The following RGS7 variants were observed in gnomAD, a reference collection of about 807,000 sequenced individuals.
RGS7 encodes the protein regulator of G-protein signaling 7.
Under a neutral mutation model 81.1 loss-of-function variants are expected in RGS7, and 27 were observed. That is an observed-to-expected ratio of 0.33 (90% confidence interval 0.25 to 0.46). The LOEUF (loss-of-function observed/expected upper bound fraction) is 0.46. RGS7 is among the 20% of genes least tolerant of loss of function. RGS7 has a pLI of 1.00. For missense variants in RGS7, 396 were observed against 607.4 expected (o/e 0.65, Z 3.66); for synonymous variants, 208 against 207.7 (o/e 1.00, Z -0.01).
intron 2 of RGS7, among the ~76,000 whole-genome samples, chr1:241,247,349 G>A (rs991462927): frequency 1.3e-5 from 2 of 152,126 alleles, no homozygotes; most frequent in Admixed American, 6.5e-5. Context: ...TTTTAAATGA[G>A]CCTGGAGTTG....
intron 3 of RGS7, among the ~76,000 whole-genome samples, chr1:240,989,705 A>T (rs1558564467): frequency 6.6e-6 from 1 of 151,724 alleles, no homozygotes; most frequent in Non-Finnish European, 1.5e-5. Context: ...TTTTTAATTT[A>T]AAAAAATTGC....
At position 240,814,847 on chromosome 1, in the gene RGS7, A is replaced by G. The variant is rs562517536; in HGVS notation, c.784-70T>C. The stretch of plus-strand genomic sequence containing the variant: ...TCACAATTTTCCACTCTAAATCATG[A>G]TCAGCTGGGCAATTCTGAACAAGAG... On this transcript the variant is annotated intron_variant, in intron 11 of 18. Coordinates refer to ENST00000440928, the MANE Select transcript of RGS7 (RefSeq NM_001364886.1). The G allele has an allele frequency of 1.8e-5, 17 of 954,344 alleles. No homozygotes were observed. The African/African-American group carries it at 2.6e-4, about 14-fold the overall frequency. 59.1% of individuals were successfully genotyped at this position (954,344 alleles called of 1,614,324 possible). A position where few individuals can be genotyped will look rare whatever the true frequency, so the allele number is the denominator to read the frequency against.
chr1:240,899,993 C>CT (rs1350756167), intron 6 of RGS7, among the ~76,000 whole-genome samples: 1 of 152,128 alleles, frequency 6.6e-6, no homozygotes, highest in Non-Finnish European at 1.5e-5. Context: ...TCTTTATACT[C>CT]TTTTTTCTCT....
Position 240,806,155 on chromosome 1 carries a change from T to C in RGS7, c.1254A>G (p.Thr418=). The part of the protein sequence containing the change: ...TQNVKEPGRY[T]FEDAQEHIYK... Reference sequence around the variant, plus strand: ...GTACACCCACCTGAGCATCTTCAAATGTGTATCGTCCAGGTTCCTTCACGT... The same window carrying C: ...GTACACCCACCTGAGCATCTTCAAACGTGTATCGTCCAGGTTCCTTCACGT... Residue 418 remains threonine (T), a synonymous_variant, in exon 15 of 19, where the codon ACA becomes ACG. Coordinates refer to ENST00000440928, the MANE Select transcript of RGS7 (RefSeq NM_001364886.1). 6.2e-7 allele frequency: 1 copy of C among 1,613,880 alleles called. No homozygotes were observed.
At chr1:240,980,060 TA>T (rs528365340) in intron 4 of RGS7, among the ~76,000 whole-genome samples, 3 of 151,998 alleles carry the variant, frequency 2.0e-5, no homozygotes, top group Admixed American at 6.6e-5. Flanking sequence ...ATATGTAAAC[TA>T]AAAAAAATCC....
chr1:241,081,365 A>G (rs2063122913), intron 3 of RGS7, among the ~76,000 whole-genome samples: 1 of 152,172 alleles, frequency 6.6e-6, no homozygotes, highest in South Asian at 2.1e-4. Flanking sequence ...AAAACTCAAC[A>G]CCAGCTGGGA....
chr1:240,917,601 C>T (rs1318877443), intron 6 of RGS7, among the ~76,000 whole-genome samples: 1 of 151,906 alleles, frequency 6.6e-6, no homozygotes, highest in African/African-American at 2.4e-5. Flanking sequence ...AACTGTAAGA[C>T]ATTTAAAAGG....
At chr1:241,338,751 T>G (rs1280165087) in intron 2 of RGS7, among the ~76,000 whole-genome samples, 1 of 150,052 alleles carries the variant, frequency 6.7e-6, no homozygotes, top group Non-Finnish European at 1.5e-5. Flanking sequence ...ATATATTAAA[T>G]ATATATATGT....
At chr1:241,006,602 CAA>C (rs1049633354) in intron 3 of RGS7, among the ~76,000 whole-genome samples, 8 of 152,164 alleles carry the variant, frequency 5.3e-5, no homozygotes, top group African/African-American at 1.7e-4. Context: ...TTTGGAAGCT[CAA>C]GAGACTTCTC....
intron 2 of RGS7, among the ~76,000 whole-genome samples, chr1:241,105,975 G>A (rs2065068935): frequency 6.6e-6 from 1 of 152,184 alleles, no homozygotes; most frequent in East Asian, 1.9e-4. Flanking sequence ...CTATGAAAAT[G>A]GGAGAAATGA....
intron 3 of RGS7, among the ~76,000 whole-genome samples, chr1:241,018,186 C>T (rs561751382): frequency 9.2e-5 from 13 of 141,494 alleles, no homozygotes; most frequent in African/African-American, 2.7e-4. Flanking sequence ...TGTTTTATCA[C>T]GTGGCCAGGC....
chr1:241,159,925 G>A (rs1188449554), intron 2 of RGS7, among the ~76,000 whole-genome samples: 2 of 151,946 alleles, frequency 1.3e-5, no homozygotes, highest in African/African-American at 4.8e-5. Context: ...GTTTGGTAGA[G>A]CACTTACAAC....
At chr1:241,174,679 C>T (rs1397806403) in intron 2 of RGS7, among the ~76,000 whole-genome samples, 1 of 152,148 alleles carries the variant, frequency 6.6e-6, no homozygotes, top group African/African-American at 2.4e-5. Flanking sequence ...CACACCCCAA[C>T]ACTGGGCTAT....
chr1:241,356,807 T>C (rs1195745697), intron 1 of RGS7, 92 bp downstream of exon 1: 1 of 149,116 alleles, frequency 6.7e-6, no homozygotes, highest in African/African-American at 2.5e-5. Context: ...CCGCGGACGC[T>C]CCCGCTGCGC....
intron 2 of RGS7, among the ~76,000 whole-genome samples, chr1:241,199,281 C>T (rs1041010886): frequency 1.3e-5 from 2 of 151,980 alleles, no homozygotes; most frequent in Non-Finnish European, 2.9e-5. Context: ...ATGGTGAAAC[C>T]TCATCTGTAC....
At chr1:240,909,410 A>G (rs1204168886) in intron 6 of RGS7, among the ~76,000 whole-genome samples, 1 of 152,092 alleles carries the variant, frequency 6.6e-6, no homozygotes, top group Non-Finnish European at 1.5e-5. Flanking sequence ...TCCCACCCCT[A>G]GTCTACAATT....
chr1:241,181,126 G>A (rs4659590), intron 2 of RGS7, among the ~76,000 whole-genome samples: 48,671 of 152,098 alleles, frequency 0.32, 8,335 homozygotes, highest in East Asian at 0.41. Flanking sequence ...ATTCTATAAC[G>A]GTGGACACAC....
At chr1:241,083,522 G>T (rs537352857) in intron 3 of RGS7, among the ~76,000 whole-genome samples, 55 of 152,236 alleles carry the variant, frequency 3.6e-4, no homozygotes, top group Non-Finnish European at 7.1e-4. Context: ...GTTATTATGT[G>T]CAAGTTGCAT....
chr1:240,777,278 G>C (rs1385530963), intron 18 of RGS7, among the ~76,000 whole-genome samples: 1 of 146,606 alleles, frequency 6.8e-6, no homozygotes, highest in Non-Finnish European at 1.5e-5. Flanking sequence ...GCGAGACTCT[G>C]TCTCAAAAAA....
Sources: gnomAD v4.1 joint callset for allele counts (sites outside exome capture counted in the v4.1 genomes callset) on GRCh38, gnomAD v4.1.1 for gene constraint, MANE v1.5 for transcripts, NCBI Gene and HGNC (gene_info 2026-07-23, HGNC 2026-07-21) for gene names.